The following CLVS1 variants were observed in gnomAD, a reference collection of about 807,000 sequenced individuals.
The protein encoded by CLVS1 is clavesin 1.
In CLVS1, 10 loss-of-function variants were observed where a neutral mutation model predicts 33.1. The ratio of observed to expected loss-of-function variants is 0.30; its 90% CI spans 0.19 to 0.51. The LOEUF (loss-of-function observed/expected upper bound fraction) is 0.51. Among genes scored for constraint, CLVS1 ranks in the 20% least tolerant of loss-of-function variants. The pLI, the probability that CLVS1 is intolerant of heterozygous loss-of-function variation, is 0.97. For synonymous variants in CLVS1, 163 were observed against 166.1 expected (o/e 0.98, Z 0.14); for missense variants, 343 against 433.4 (o/e 0.79, Z 1.85).
intron 2 of CLVS1, among the ~76,000 whole-genome samples, chr8:61,341,473 C>T (rs1372090971): frequency 6.6e-6 from 1 of 152,194 alleles, no homozygotes; most frequent in African/African-American, 2.4e-5. Context: ...TGTCCCAAAT[C>T]ATAGGCACAG....
At position 61,093,608 on chromosome 8, in the gene CLVS1, G is replaced by A. The variant is rs1456554609; in HGVS notation, c.-243+36378G>A. Among the ~76,000 whole-genome samples, 6 of 152,338 alleles carry A rather than the reference G, an allele frequency of 3.9e-5. No individual in the cohort carries two copies. In the East Asian group the frequency reaches 1.2e-3, roughly 29 times the overall value. On this transcript the variant is annotated intron_variant, in intron 1 of 2. Transcript: ENST00000522621. Reference sequence around the variant, plus strand: ...ATCTATAGACAGTCCCTTTAGTGCTGCATGTCATAAATTAAAAGCAAGCAC... The same window carrying A: ...ATCTATAGACAGTCCCTTTAGTGCTACATGTCATAAATTAAAAGCAAGCAC...
At chr8:61,246,870 C>G (rs1053681706) in intron 2 of CLVS1, among the ~76,000 whole-genome samples, 1 of 152,032 alleles carries the variant, frequency 6.6e-6, no homozygotes, top group African/African-American at 2.4e-5. Flanking sequence ...AACTACATGT[C>G]ATGGGGGTTT....
At chr8:61,318,581 A>G (rs1433011411) in intron 2 of CLVS1, among the ~76,000 whole-genome samples, 1 of 152,190 alleles carries the variant, frequency 6.6e-6, no homozygotes, top group African/African-American at 2.4e-5. Context: ...CTATCTTCAT[A>G]TGAAATTCCC....
intron 2 of CLVS1, among the ~76,000 whole-genome samples, chr8:61,314,490 C>A (rs1012451802): frequency 6.6e-6 from 1 of 152,032 alleles, no homozygotes; most frequent in Non-Finnish European, 1.5e-5. Flanking sequence ...GTTCAAAACA[C>A]ACAAGCATAC....
At chr8:61,031,227 A>G in the CLVS1 span, among the ~76,000 whole-genome samples, 1 of 152,190 alleles carries the variant, frequency 6.6e-6, no homozygotes. Context: ...GGGGATTTGG[A>G]CAGAAGAGTC....
At chr8:61,439,889 C>T (rs1048642642) in intron 3 of CLVS1, among the ~76,000 whole-genome samples, 13 of 152,080 alleles carry the variant, frequency 8.5e-5, no homozygotes, top group African/African-American at 2.7e-4. Context: ...CTCTTAAAGA[C>T]GCTCAAACAT....
In CLVS1 at chr8:61,370,286, T is replaced by C. The variant is rs551002718; in HGVS notation, c.456-6319T>C. The C allele has an allele frequency of 2.0e-5, 3 of 152,286 alleles. No homozygotes were observed. The East Asian group carries it at 5.8e-4, about 29-fold the overall frequency. 9.4% of individuals were successfully genotyped at this position (152,286 alleles called of 1,614,324 possible). A position where few individuals can be genotyped will look rare whatever the true frequency, so the allele number is the denominator to read the frequency against. ...ACATGGATAAGTTCTTTAGTAGATT[T>C]TGGTGCACCTGTCACCTGAACAGTG... On this transcript the variant is annotated intron_variant, in intron 2 of 5. Coordinates refer to ENST00000325897, the MANE Select transcript of CLVS1 (RefSeq NM_173519.3).
chr8:61,232,060 A>T (rs561559474), intron 2 of CLVS1, among the ~76,000 whole-genome samples: 7 of 39,082 alleles, frequency 1.8e-4, no homozygotes, highest in Admixed American at 4.1e-4. Context: ...TGTGAGATGG[A>T]GTCTCGCTCT....
chr8:61,060,622 AC>A (rs1306775762), intron 1 of CLVS1, among the ~76,000 whole-genome samples: 3 of 151,878 alleles, frequency 2.0e-5, no homozygotes, highest in African/African-American at 7.3e-5. Flanking sequence ...GCCCCTTCCC[AC>A]CCCTTATATT....
At chr8:61,166,921 C>A (rs1228848923) in intron 2 of CLVS1, among the ~76,000 whole-genome samples, 4 of 141,838 alleles carry the variant, frequency 2.8e-5, no homozygotes, top group Non-Finnish European at 6.2e-5. Context: ...TTCTTTGGAT[C>A]CTGTTTTTTC....
chr8:61,430,001 A>C (rs1386644762), intron 3 of CLVS1, among the ~76,000 whole-genome samples: 1 of 152,194 alleles, frequency 6.6e-6, no homozygotes, highest in Admixed American at 6.5e-5. Flanking sequence ...CTCTGGAACC[A>C]TTTCTATCCT....
At chr8:61,315,874 C>T (rs1377702518) in intron 2 of CLVS1, among the ~76,000 whole-genome samples, 1 of 152,136 alleles carries the variant, frequency 6.6e-6, no homozygotes, top group African/African-American at 2.4e-5. Flanking sequence ...TGCTATCCCT[C>T]CCCTAGCCCC....
intron 2 of CLVS1, among the ~76,000 whole-genome samples, chr8:61,142,266 C>G (rs985791873): frequency 6.6e-6 from 1 of 152,196 alleles, no homozygotes; most frequent in African/African-American, 2.4e-5. Flanking sequence ...CATTCCCTCT[C>G]TGTCTCTTTC....
chr8:61,408,266 T>A (rs1483285989), intron 3 of CLVS1, among the ~76,000 whole-genome samples: 1 of 152,002 alleles, frequency 6.6e-6, no homozygotes, highest in Non-Finnish European at 1.5e-5. Context: ...TCTCAAGAGG[T>A]GAAATTTGAG....
At chr8:60,972,627 T>C in the CLVS1 span, among the ~76,000 whole-genome samples, 1 of 152,170 alleles carries the variant, frequency 6.6e-6, no homozygotes, top group African/African-American at 2.4e-5. Context: ...TTCAGGCTTT[T>C]GCATTTTTGA....
At chr8:61,102,237 G>T (rs1347565871) in intron 1 of CLVS1, among the ~76,000 whole-genome samples, 4 of 152,084 alleles carry the variant, frequency 2.6e-5, no homozygotes, top group Non-Finnish European at 5.9e-5. Flanking sequence ...ATGAATATGG[G>T]ATGTCTTTTC....
intron 5 of CLVS1, among the ~76,000 whole-genome samples, chr8:61,462,137 C>T (rs1384978265): frequency 6.6e-6 from 1 of 152,122 alleles, no homozygotes; most frequent in Non-Finnish European, 1.5e-5. Flanking sequence ...CTGGCTCTAT[C>T]CTATAGATGT....
At position 61,104,419 on chromosome 8, in the gene CLVS1, C is replaced by A. The variant is rs188636313; in HGVS notation, c.-242-27351C>A. ...GCAGTAGCCAGAAGTGATGGGAAAT[C>A]CAGGGTAATTTCTTGTAGTCCTTAA... On this transcript the variant is annotated intron_variant, in intron 1 of 2. Coordinates refer to the CLVS1 transcript ENST00000522621. Among the ~76,000 whole-genome samples the A allele has an allele frequency of 8.2e-3, 1,254 of 152,248 alleles. 9 individuals are homozygous for A. The highest frequency in any genetic ancestry group is 0.012 in the Non-Finnish European group (809 of 68,026).
intron 5 of CLVS1, among the ~76,000 whole-genome samples, chr8:61,467,815 T>A (rs1263611784): frequency 1.3e-5 from 2 of 152,202 alleles, no homozygotes; most frequent in East Asian, 3.8e-4. Context: ...ATAGAATACA[T>A]TTTATTATTC....
Sources: gnomAD v4.1 joint callset for allele counts (sites outside exome capture counted in the v4.1 genomes callset) on GRCh38, gnomAD v4.1.1 for gene constraint, MANE v1.5 for transcripts, NCBI Gene and HGNC (gene_info 2026-07-23, HGNC 2026-07-21) for gene names.